GRIP1: variants seen among roughly 807,000 people sequenced by gnomAD.
The protein encoded by GRIP1 is glutamate receptor-interacting protein 1.
A neutral mutation model predicts 129.9 loss-of-function variants in GRIP1; 45 were observed. That is an observed-to-expected ratio of 0.35 (90% CI 0.27 to 0.44). The LOEUF (loss-of-function observed/expected upper bound fraction) is 0.44, where lower values mean the gene tolerates loss of function less well. Among genes scored for constraint, GRIP1 ranks in the 20% least tolerant of loss-of-function variants. GRIP1 has a pLI of 1.00. For missense variants in GRIP1, 1,196 were observed against 1,396.8 expected (o/e 0.86, Z 2.29); for synonymous variants, 530 against 520.8 (o/e 1.02, Z -0.24).
At chr12:66,837,347 A>C (rs2039632845) in intron 1 of GRIP1, among the ~76,000 whole-genome samples, 2 of 152,228 alleles carry the variant, frequency 1.3e-5, no homozygotes, top group African/African-American at 4.8e-5. Flanking sequence ...CAATGAAGCA[A>C]CTGATTGACT....
chr12:66,678,906 C>T lies in GRIP1; in HGVS notation c.-2G>A, dbSNP rs1165393281. ...GCATTTAAAAGAGACAGCTATCATT[C>T]TTGCTCACTGCTTTCTGTGGCAAAG... On this transcript the variant is annotated 5_prime_UTR_variant, in exon 1 of 25. Coordinates refer to ENST00000359742, the MANE Select transcript of GRIP1 (RefSeq NM_001366722.1). The T allele has an allele frequency of 6.2e-7, 1 of 1,613,430 alleles. No homozygotes were observed. Among genetic ancestry groups the T allele is most frequent in the Admixed American group, 1.7e-5 (1 of 59,966 alleles).
At chr12:66,916,479 C>T (rs1314775893) in intron 1 of GRIP1, among the ~76,000 whole-genome samples, 4 of 152,136 alleles carry the variant, frequency 2.6e-5, no homozygotes, top group Admixed American at 2.6e-4. Context: ...CAGCACTTCG[C>T]CTTCCAGCAA....
intron 13 of GRIP1, among the ~76,000 whole-genome samples, chr12:66,437,123 G>C (rs1267088564): frequency 2.6e-5 from 4 of 152,292 alleles, no homozygotes; most frequent in Middle Eastern, 3.4e-3. Flanking sequence ...ATTAATATCT[G>C]GTTGTAAAAC....
chr12:66,350,434 A>G (rs2054171885), intron 24 of GRIP1, among the ~76,000 whole-genome samples: 1 of 152,182 alleles, frequency 6.6e-6, no homozygotes, highest in African/African-American at 2.4e-5. Flanking sequence ...TGGGAGGCAT[A>G]GGTTGCAGTG....
At chr12:66,413,288 A>T (rs2057467319) in intron 15 of GRIP1, among the ~76,000 whole-genome samples, 1 of 152,180 alleles carries the variant, frequency 6.6e-6, no homozygotes, top group African/African-American at 2.4e-5. Flanking sequence ...ATTAAACTCA[A>T]GATTAAGAAA....
In GRIP1 at chr12:66,822,816, A is replaced by G. The variant is rs183694425; in HGVS notation, c.59-225889T>C. The stretch of plus-strand genomic sequence containing the variant: ...AGCAGAACATTGGGTACACATGGAC[A>G]TAAGGATGGAAACGGGGGAGGAGAA... On this transcript the variant is annotated intron_variant, in intron 1 of 1. Coordinates refer to the GRIP1 transcript ENST00000643019. Among the ~76,000 whole-genome samples, 375 of 152,266 alleles carry G rather than the reference A, an allele frequency of 2.5e-3. 2 individuals carry two copies. Among genetic ancestry groups the G allele is most frequent in the African/African-American group, 8.0e-3 (333 of 41,560 alleles).
At chr12:66,785,440 G>T (rs1366707811) in intron 1 of GRIP1, among the ~76,000 whole-genome samples, 1 of 149,840 alleles carries the variant, frequency 6.7e-6, no homozygotes, top group East Asian at 2.0e-4. Flanking sequence ...TCAGCCTGGG[G>T]GATGGAAGCT....
chr12:66,575,074 C>G (rs1258218147), intron 2 of GRIP1, among the ~76,000 whole-genome samples: 1 of 152,154 alleles, frequency 6.6e-6, no homozygotes, highest in Non-Finnish European at 1.5e-5. Context: ...GCCCGGCCTC[C>G]ATTCCCACTT....
intron 7 of GRIP1, among the ~76,000 whole-genome samples, chr12:66,477,712 A>G (rs189808928): frequency 1.6e-4 from 25 of 152,338 alleles, no homozygotes; most frequent in African/African-American, 5.8e-4. Context: ...TAGAGCCCTC[A>G]GAAATAATAC....
At chr12:67,031,914 T>C (rs1478295836) in intron 1 of GRIP1, among the ~76,000 whole-genome samples, 2 of 152,128 alleles carry the variant, frequency 1.3e-5, no homozygotes, top group African/African-American at 2.4e-5. Flanking sequence ...ATCAACTTGA[T>C]TATTAAAGAC....
chr12:66,921,219 T>C (rs548766820), intron 1 of GRIP1, among the ~76,000 whole-genome samples: 155 of 152,320 alleles, frequency 1.0e-3, no homozygotes, highest in African/African-American at 3.4e-3. Flanking sequence ...CGACCTAATA[T>C]GTTGTCCTGG....
intron 1 of GRIP1, among the ~76,000 whole-genome samples, chr12:66,782,949 T>C (rs973738170): frequency 1.3e-5 from 2 of 152,194 alleles, no homozygotes; most frequent in Non-Finnish European, 2.9e-5. Flanking sequence ...TTTCTCACTC[T>C]GGAGTCTGAG....
At chr12:66,386,163 T>C (rs1055264971) in intron 19 of GRIP1, among the ~76,000 whole-genome samples, 2 of 152,162 alleles carry the variant, frequency 1.3e-5, no homozygotes, top group Admixed American at 6.5e-5. Context: ...CTTGATAGGA[T>C]GATTTTTATT....
chr12:66,821,410 T>C (rs73130883), intron 1 of GRIP1, among the ~76,000 whole-genome samples: 1 of 152,176 alleles, frequency 6.6e-6, no homozygotes, highest in South Asian at 2.1e-4. Context: ...TATGTTACCA[T>C]GAGTACTCAA....
intron 1 of GRIP1, among the ~76,000 whole-genome samples, chr12:66,825,869 A>G (rs1017089783): frequency 3.9e-5 from 6 of 152,232 alleles, no homozygotes; most frequent in Admixed American, 3.9e-4. Context: ...TGGGAGTTAA[A>G]TTAGTTCAAC....
intron 1 of GRIP1, among the ~76,000 whole-genome samples, chr12:67,028,828 T>C (rs1245255178): frequency 6.6e-6 from 1 of 152,164 alleles, no homozygotes; most frequent in Non-Finnish European, 1.5e-5. Context: ...AATTTTTAAA[T>C]TAATTAAGTC....
At chr12:66,512,532 T>C (rs2060729736) in intron 7 of GRIP1, among the ~76,000 whole-genome samples, 1 of 140,540 alleles carries the variant, frequency 7.1e-6, no homozygotes, top group South Asian at 2.2e-4. Flanking sequence ...TAAATAACTT[T>C]GAAGGGAAAT....
intron 1 of GRIP1, among the ~76,000 whole-genome samples, chr12:66,912,517 C>A (rs1489371637): frequency 6.6e-6 from 1 of 152,002 alleles, no homozygotes; most frequent in Non-Finnish European, 1.5e-5. Context: ...ATATTTGATT[C>A]ATATCTGATA....
chr12:66,952,510 A>G (rs1466492780), intron 1 of GRIP1, among the ~76,000 whole-genome samples: 1 of 152,254 alleles, frequency 6.6e-6, no homozygotes, highest in Admixed American at 6.5e-5. Context: ...CCAATTAAAG[A>G]GTAAACAATA....
Sources: gnomAD v4.1 joint callset for allele counts (sites outside exome capture counted in the v4.1 genomes callset) on GRCh38, gnomAD v4.1.1 for gene constraint, MANE v1.5 for transcripts, NCBI Gene and HGNC (gene_info 2026-07-23, HGNC 2026-07-21) for gene names.